The following TNS1 variants were observed in gnomAD, a reference collection of about 807,000 sequenced individuals.
TNS1 encodes tensin 1, also known as tensin-1.
A neutral mutation model predicts 168.6 loss-of-function variants in TNS1; 62 were observed. That is an observed-to-expected ratio of 0.37 (90% CI 0.30 to 0.45). The LOEUF (loss-of-function observed/expected upper bound fraction) is 0.45, where lower values mean the gene tolerates loss of function less well. TNS1 is among the 20% of genes least tolerant of loss of function. The pLI, the probability that TNS1 is intolerant of heterozygous loss-of-function variation, is 1.00. For missense variants in TNS1, 2,240 were observed against 2,339.4 expected, an observed-to-expected ratio of 0.96 and a Z score of 0.88; for synonymous variants, 934 against 933.2, an observed-to-expected ratio of 1.00 and a Z score of -0.02.
chr2:217,970,221 C>G (rs1159996674), intron 3 of TNS1, among the ~76,000 whole-genome samples: 1 of 152,226 alleles, frequency 6.6e-6, no homozygotes, highest in Non-Finnish European at 1.5e-5. Context: ...TTTTTGACTT[C>G]TAGCCTCCAG....
At chr2:217,805,461 CACCACCACACACACCACACA>C (rs1938380094) in intron 32 of TNS1, among the ~76,000 whole-genome samples, 1 of 124,840 alleles carries the variant, frequency 8.0e-6, no homozygotes. Flanking sequence ...CCATCACACA[CACCACCACACACACCACACA>C]CACCACACAC....
chr2:217,824,076 T>C (rs1943269951), intron 22 of TNS1, among the ~76,000 whole-genome samples: 1 of 152,240 alleles, frequency 6.6e-6, no homozygotes, highest in South Asian at 2.1e-4. Flanking sequence ...AGGCTGTCAC[T>C]GTTGCAACTA....
chr2:217,841,394 A>T (rs979951885), intron 19 of TNS1: 28 of 374,326 alleles, frequency 7.5e-5, no homozygotes, highest in Admixed American at 6.4e-5. Flanking sequence ...ACAGATGGAC[A>T]TGGGAAACAC....
intron 18 of TNS1, among the ~76,000 whole-genome samples, chr2:217,863,452 G>A (rs1462130945): frequency 6.6e-6 from 1 of 152,130 alleles, no homozygotes; most frequent in Non-Finnish European, 1.5e-5. Flanking sequence ...CCCACAACAA[G>A]CAATTGTTGT....
At chr2:217,964,800 G>A (rs73990645) in intron 3 of TNS1, among the ~76,000 whole-genome samples, 2,034 of 152,300 alleles carry the variant, frequency 0.013, 42 homozygotes, top group African/African-American at 0.045. Context: ...GCCGGGCCGC[G>A]CCAGAGGAAA....
intron 1 of TNS1, among the ~76,000 whole-genome samples, chr2:218,001,696 C>T (rs1287452660): frequency 6.6e-6 from 1 of 152,172 alleles, no homozygotes; most frequent in Non-Finnish European, 1.5e-5. Context: ...CACCCCAGCC[C>T]AACATGCCAC....
intron 3 of TNS1, among the ~76,000 whole-genome samples, chr2:217,945,653 A>G (rs1044539698): frequency 2.6e-5 from 4 of 152,078 alleles, no homozygotes; most frequent in African/African-American, 9.7e-5. Flanking sequence ...GCTGTCCACA[A>G]ATGGCAAGGA....
chr2:217,875,734 T>C (rs1365611719), intron 18 of TNS1, among the ~76,000 whole-genome samples: 1 of 152,242 alleles, frequency 6.6e-6, no homozygotes, highest in Non-Finnish European at 1.5e-5. Context: ...CAGGGATTCC[T>C]GGCTCCAGGC....
At chr2:217,962,427 G>A (rs534740881) in intron 3 of TNS1, among the ~76,000 whole-genome samples, 4 of 152,172 alleles carry the variant, frequency 2.6e-5, no homozygotes, top group African/African-American at 9.6e-5. Flanking sequence ...TGGGCAACAG[G>A]AGCGAAACTC....
At chr2:217,984,750 C>CT (rs58959120) in intron 2 of TNS1, among the ~76,000 whole-genome samples, 6,887 of 135,668 alleles carry the variant, frequency 0.051, 524 homozygotes, top group African/African-American at 0.17. Context: ...ACCTCAGCCT[C>CT]TTTTTTTTTT....
chr2:217,994,201 G>A (rs1958427982), intron 1 of TNS1, among the ~76,000 whole-genome samples: 1 of 152,108 alleles, frequency 6.6e-6, no homozygotes, highest in Non-Finnish European at 1.5e-5. Context: ...CACAAGAAGG[G>A]GCAGGTAAGT....
At chr2:217,842,507 C>T (rs192570037) in intron 19 of TNS1, among the ~76,000 whole-genome samples, 10 of 152,154 alleles carry the variant, frequency 6.6e-5, no homozygotes, top group Admixed American at 3.3e-4. Flanking sequence ...GGCTCTACCT[C>T]CAAAATATGT....
chr2:217,840,758 G>A (rs1945839378), intron 19 of TNS1, among the ~76,000 whole-genome samples: 1 of 152,242 alleles, frequency 6.6e-6, no homozygotes, highest in Non-Finnish European at 1.5e-5. Context: ...TGGCCAGGGT[G>A]GCCGGAGTGC....
At chr2:217,914,066 C>T (rs1274382881) in intron 4 of TNS1, among the ~76,000 whole-genome samples, 5 of 148,490 alleles carry the variant, frequency 3.4e-5, no homozygotes, top group Admixed American at 2.0e-4. Flanking sequence ...CCTTCCAAAA[C>T]GCCCTCCCTC....
intron 3 of TNS1, among the ~76,000 whole-genome samples, chr2:217,939,160 G>A (rs1232960490): frequency 6.6e-6 from 1 of 152,182 alleles, no homozygotes; most frequent in Non-Finnish European, 1.5e-5. Flanking sequence ...ATACCTTGAA[G>A]CAGACATTAT....
At chr2:218,024,922 C>G (rs534535659) in intron 1 of TNS1, among the ~76,000 whole-genome samples, 42 of 152,296 alleles carry the variant, frequency 2.8e-4, no homozygotes, top group African/African-American at 9.6e-4. Flanking sequence ...GCCCCCTAGT[C>G]CAAGCAGCAC....
At chr2:217,979,197 G>A (rs1051638647) in intron 2 of TNS1, among the ~76,000 whole-genome samples, 1 of 152,128 alleles carries the variant, frequency 6.6e-6, no homozygotes, top group Admixed American at 6.6e-5. Flanking sequence ...CACCAGGCAG[G>A]CAGACGACAT....
At position 217,802,484 on chromosome 2, in the gene TNS1, CAG is replaced by C. The variant is rs1158069993; in HGVS notation, c.*1973_*1974del. ...ATGCTCACACACTCGCTCAGGCCTGCAGAGTCAGGGACAGCTCCCCACACATC... is the reference window on the plus strand; with the variant it reads ...ATGCTCACACACTCGCTCAGGCCTGCAGTCAGGGACAGCTCCCCACACATC... On this transcript the variant is annotated 3_prime_UTR_variant, in exon 33 of 33. Transcript: ENST00000682258. The C allele has an allele frequency of 6.6e-6, 1 of 152,282 alleles. No individual in the cohort carries two copies. 9.4% of individuals were successfully genotyped at this position (152,282 alleles called of 1,614,324 possible).
chr2:217,944,716 T>C (rs1957060347), intron 3 of TNS1, among the ~76,000 whole-genome samples: 2 of 152,234 alleles, frequency 1.3e-5, no homozygotes, highest in Non-Finnish European at 2.9e-5. Context: ...ATGCTTCAAC[T>C]CTCTTTGAAA....
Sources: allele counts gnomAD v4.1 joint callset (sites outside exome capture counted in the v4.1 genomes callset), GRCh38; gene constraint gnomAD v4.1.1; transcripts MANE v1.5; gene names NCBI Gene and HGNC (gene_info 2026-07-23, HGNC 2026-07-21).